Variants in COL4A3 observed in about 807,000 individuals in gnomAD.
COL4A3 encodes collagen type IV alpha 3 chain.
Under a neutral mutation model 217.4 loss-of-function variants are expected in COL4A3, and 135 were observed. The observed-to-expected ratio is 0.62, with a 90% CI of 0.54 to 0.72. The LOEUF (loss-of-function observed/expected upper bound fraction) is 0.72. COL4A3 is among the 30% of genes least tolerant of loss of function. The probability of loss-of-function intolerance (pLI) is 0.00; values close to 1 mark genes in which losing one functional copy is unlikely to be tolerated. For synonymous variants in COL4A3, 690 were observed against 736.3 expected (o/e 0.94, Z 1.02); for missense variants, 1,868 against 2,119.9 (o/e 0.88, Z 2.33).
Position 227,246,007 on chromosome 2 carries a change from T to A in COL4A3, c.378T>A (p.Ser126Arg). 6.2e-7 allele frequency: 1 copy of A among 1,612,934 alleles called. No individual in the cohort carries two copies. The highest frequency in any genetic ancestry group is 8.5e-7 in the Non-Finnish European group (1 of 1,178,972). The change falls in exon 6 of 52, where the codon AGT (serine) becomes AGA (arginine). Residue 126 changes from serine to arginine, a missense_variant. Physicochemically the swap from Ser to Arg is moderately radical, Grantham distance 110 (BLOSUM62 -1). Coordinates refer to ENST00000396578, the MANE Select transcript of COL4A3 (RefSeq NM_000091.5). ...GACTTGTCGGTGTACCAGGATGCAG[T>A]GGTTCTAAGGTAAGTACTTTTCACA... ...PYGLVGVPGC[S>R]GSKGEQGFPG...
chr2:227,186,500 G>A (rs987272878), intron 1 of COL4A3, among the ~76,000 whole-genome samples: 5 of 152,190 alleles, frequency 3.3e-5, no homozygotes, highest in African/African-American at 4.8e-5. Flanking sequence ...AGCACAAAAG[G>A]AGTTTGAATT....
rs550386877 is a variant in COL4A3 at position 227,218,951 on chromosome 2, T to A, written c.88-19017T>A. Among the ~76,000 whole-genome samples, 16 of 152,268 alleles carry A rather than the reference T, an allele frequency of 1.1e-4. 1 individual carries two copies. The South Asian group carries it at 3.3e-3, about 32-fold the overall frequency. ...TTATGTGGAATTTGTCATCTTCCAA[T>A]ATACAATAAAATAGCCTAACATGAA... On this transcript the variant is annotated intron_variant, in intron 1 of 51. Transcript: ENST00000396578.
At chr2:227,225,235 T>C (rs1194956087) in intron 1 of COL4A3, among the ~76,000 whole-genome samples, 1 of 152,134 alleles carries the variant, frequency 6.6e-6, no homozygotes, top group Non-Finnish European at 1.5e-5. Context: ...TTTTCAAAGA[T>C]TTTTTTTCAA....
chr2:227,199,278 A>C (rs1443689539), intron 1 of COL4A3, among the ~76,000 whole-genome samples: 2 of 152,148 alleles, frequency 1.3e-5, no homozygotes, highest in African/African-American at 4.8e-5. Context: ...GTTAGTCATG[A>C]ATTTCCTTGT....
At chr2:227,187,783 C>G (rs1031788272) in intron 1 of COL4A3, among the ~76,000 whole-genome samples, 1 of 152,176 alleles carries the variant, frequency 6.6e-6, no homozygotes, top group Non-Finnish European at 1.5e-5. Context: ...GGTTTCTATT[C>G]ATTCATGTCT....
chr2:227,237,798 CTATTCA>C (rs2068781818), intron 1 of COL4A3, 164 bp from the exon 2 acceptor site: 2 of 612,866 alleles, frequency 3.3e-6, no homozygotes, highest in African/African-American at 1.9e-5. Context: ...TACTTTATTG[CTATTCA>C]TATATTGATA....
chr2:227,198,542 A>T (rs2066568389), intron 1 of COL4A3, among the ~76,000 whole-genome samples: 1 of 152,232 alleles, frequency 6.6e-6, no homozygotes, highest in Non-Finnish European at 1.5e-5. Context: ...AGACAATCAC[A>T]TTAAATAATT....
chr2:227,225,883 T>C (rs531693278), intron 1 of COL4A3, among the ~76,000 whole-genome samples: 6 of 152,034 alleles, frequency 3.9e-5, no homozygotes, highest in African/African-American at 1.2e-4. Context: ...GGCTAACTTT[T>C]GTATTTTTAG....
chr2:227,199,306 C>T (rs1385884067), intron 1 of COL4A3, among the ~76,000 whole-genome samples: 1 of 152,204 alleles, frequency 6.6e-6, no homozygotes. Flanking sequence ...ACCCCCATTC[C>T]TCCCCCAGGA....
Position 227,312,001 on chromosome 2 carries a change from T to G in COL4A3, c.*131T>G. 2 of 1,478,490 alleles carry G rather than the reference T, an allele frequency of 1.4e-6. No homozygotes were observed. Among genetic ancestry groups the G allele is most frequent in the South Asian group, 1.2e-5 (1 of 80,668 alleles). The allele number at this position is 1,478,490 out of a possible 1,614,324, so 91.6% of individuals were successfully genotyped here. On this transcript the variant is annotated 3_prime_UTR_variant, in exon 52 of 52. Transcript: ENST00000396578. ...ATGATGACTTAGTACAAAGTTTCAA[T>G]TTGTTTCCCCACAAAACAAAGCAAT... is the stretch of plus-strand genomic sequence containing the variant.
rs1304406738 is a variant in COL4A3, at chr2:227,203,130, C to T, written c.88-34838C>T. Among the ~76,000 whole-genome samples, 20 of 23,838 alleles carry T rather than the reference C, an allele frequency of 8.4e-4. 1 individual carries two copies. Among genetic ancestry groups the T allele is most frequent in the South Asian group, 2.8e-3 (2 of 716 alleles). 15.6% of individuals were successfully genotyped at this position (23,838 alleles called of 152,430 possible). ...ATATGTGTATATATGTGTATATATA[C>T]ATATATGTGTATATATGTGTATATA... On this transcript the variant is annotated intron_variant, in intron 1 of 51. Coordinates refer to ENST00000396578, the MANE Select transcript of COL4A3 (RefSeq NM_000091.5).
Position 227,293,294 on chromosome 2 carries a change from G to A in COL4A3, c.3314G>A (p.Ser1105Asn), listed in dbSNP as rs753862998. 3.7e-6 allele frequency: 6 copies of A among 1,613,542 alleles called. No homozygotes were observed. The highest frequency in any genetic ancestry group is 5.1e-6 in the Non-Finnish European group (6 of 1,179,950). ...GCTGGACCTGAGGGAGCCCCTGGAA[G>A]TCCTGGAAGTCCTGGCCTCCCAGGT... The part of the protein sequence containing the change: ...GPAGPEGAPG[S>N]PGSPGLPGKP... The change falls in exon 38 of 52, where the codon AGT (serine) becomes AAT (asparagine). Residue 1105 changes from serine (S) to asparagine (N), a missense_variant. By Grantham distance (46) the Ser-to-Asn change is conservative. Transcript: ENST00000396578.
At chr2:227,222,716 A>T (rs9631011) in intron 1 of COL4A3, among the ~76,000 whole-genome samples, 12,831 of 152,230 alleles carry the variant, frequency 0.084, 833 homozygotes, top group African/African-American at 0.18. Flanking sequence ...AACTCAGCCA[A>T]GCAAGGTCAG....
At chr2:227,243,744 G>A (rs554478813) in intron 3 of COL4A3, among the ~76,000 whole-genome samples, 1 of 152,224 alleles carries the variant, frequency 6.6e-6, no homozygotes, top group Non-Finnish European at 1.5e-5. Flanking sequence ...ATAGGACGTC[G>A]AAACTGAATG....
At chr2:227,181,256 G>A (rs2065859543) in intron 1 of COL4A3, among the ~76,000 whole-genome samples, 1 of 152,160 alleles carries the variant, frequency 6.6e-6, no homozygotes, top group African/African-American at 2.4e-5. Flanking sequence ...AACCAGCTTT[G>A]GTACACAGCC....
At chr2:227,285,912 A>G (rs748103727) in intron 34 of COL4A3, among the ~76,000 whole-genome samples, 45 of 152,212 alleles carry the variant, frequency 3.0e-4, no homozygotes, top group Admixed American at 9.2e-4. Context: ...AGGCCTCCCT[A>G]ATTTCAATAT....
intron 1 of COL4A3, among the ~76,000 whole-genome samples, chr2:227,178,850 G>C (rs973166758): frequency 6.6e-6 from 1 of 151,418 alleles, no homozygotes; most frequent in Non-Finnish European, 1.5e-5. Flanking sequence ...GTGAGAGACT[G>C]ATCCAATGAT....
intron 47 of COL4A3, among the ~76,000 whole-genome samples, chr2:227,306,677 C>T (rs1031672065): frequency 5.9e-5 from 9 of 152,084 alleles, no homozygotes; most frequent in African/African-American, 2.2e-4. Flanking sequence ...AATATTGGGG[C>T]TTTTACAAAT....
chr2:227,230,803 T>C (rs1490854979), intron 1 of COL4A3, among the ~76,000 whole-genome samples: 1 of 152,196 alleles, frequency 6.6e-6, no homozygotes, highest in Non-Finnish European at 1.5e-5. Flanking sequence ...CATCCAAAAG[T>C]ATTCAAGTGC....
Sources: allele counts gnomAD v4.1 joint callset (sites outside exome capture counted in the v4.1 genomes callset), GRCh38; gene constraint gnomAD v4.1.1; transcripts MANE v1.5; gene names NCBI Gene and HGNC (gene_info 2026-07-23, HGNC 2026-07-21).